Variants in FARS2 observed in about 807,000 individuals in gnomAD.
The protein encoded by FARS2 is phenylalanyl-tRNA synthetase 2, mitochondrial.
In FARS2, 40 loss-of-function variants were observed where a neutral mutation model predicts 46.4. That is an observed-to-expected ratio of 0.86 (90% CI 0.67 to 1.12). FARS2 has a LOEUF of 1.12. Among genes scored for constraint, FARS2 ranks in the 50% most tolerant of loss-of-function variants. FARS2 has a pLI of 0.00. For synonymous variants in FARS2, 234 were observed against 214.9 expected, an observed-to-expected ratio of 1.09 and a Z score of -0.78; for missense variants, 513 against 567.9, an observed-to-expected ratio of 0.90 and a Z score of 0.98.
intron 1 of FARS2, among the ~76,000 whole-genome samples, chr6:5,338,219 T>G (rs979256716): frequency 1.3e-5 from 2 of 152,162 alleles, no homozygotes; most frequent in Admixed American, 6.5e-5. Flanking sequence ...TCCACTAGAT[T>G]CAGGTAGAGT....
chr6:5,612,175 G>A (rs1464404746), intron 5 of FARS2, among the ~76,000 whole-genome samples: 1 of 152,198 alleles, frequency 6.6e-6, no homozygotes, highest in Non-Finnish European at 1.5e-5. Flanking sequence ...GATATTTCAA[G>A]TTGGATAATC....
intron 5 of FARS2, among the ~76,000 whole-genome samples, chr6:5,602,645 CA>C (rs55712653): frequency 2.2e-4 from 16 of 72,194 alleles, no homozygotes; most frequent in South Asian, 1.7e-3. Context: ...GACTCCGTCT[CA>C]AAAAAAAAAA....
intron 6 of FARS2, among the ~76,000 whole-genome samples, chr6:5,710,805 G>C (rs1759097434): frequency 6.6e-6 from 1 of 152,176 alleles, no homozygotes; most frequent in Admixed American, 6.5e-5. Flanking sequence ...GGCAACTGCG[G>C]AAAAAACTCC....
intron 4 of FARS2, among the ~76,000 whole-genome samples, chr6:5,497,545 T>G (rs925873784): frequency 6.6e-6 from 1 of 152,200 alleles, no homozygotes; most frequent in Non-Finnish European, 1.5e-5. Context: ...TCATTAATAA[T>G]AGAAATAAAA....
intron 2 of FARS2, among the ~76,000 whole-genome samples, chr6:5,390,598 A>G (rs1485287176): frequency 6.6e-6 from 1 of 152,216 alleles, no homozygotes. Context: ...GGTTTGAGCA[A>G]TATTTCTTTC....
intron 4 of FARS2, among the ~76,000 whole-genome samples, chr6:5,495,971 G>A (rs937367969): frequency 1.3e-5 from 2 of 152,162 alleles, no homozygotes; most frequent in African/African-American, 4.8e-5. Context: ...TTCACTGTCT[G>A]AATATGGAAG....
chr6:5,404,785 T>TC, intron 3 of FARS2, 84 bp downstream of exon 3: 7 of 1,002,724 alleles, frequency 7.0e-6, no homozygotes, highest in Non-Finnish European at 9.6e-6. Flanking sequence ...TTTTTTTTTT[T>TC]TTCATATTTT....
intron 4 of FARS2, among the ~76,000 whole-genome samples, chr6:5,469,882 G>A (rs1765715038): frequency 6.6e-6 from 1 of 152,060 alleles, no homozygotes; most frequent in South Asian, 2.1e-4. Flanking sequence ...TTCTAGTTTT[G>A]TCATTTGTCA....
At chr6:5,349,219 G>A (rs530421121) in intron 1 of FARS2, among the ~76,000 whole-genome samples, 3 of 152,242 alleles carry the variant, frequency 2.0e-5, no homozygotes, top group African/African-American at 7.2e-5. Context: ...ATTCCAAACA[G>A]AATATCATTT....
chr6:5,435,895 G>T (rs1408929480), intron 4 of FARS2, among the ~76,000 whole-genome samples: 2 of 152,142 alleles, frequency 1.3e-5, no homozygotes, highest in African/African-American at 4.8e-5. Context: ...TTTAAAAATC[G>T]GCTCTTTGGG....
At chr6:5,260,719 A>C (rs1380123658), upstream of FARS2, 2 of 1,550,314 alleles carry the variant, frequency 1.3e-6, no homozygotes, top group Non-Finnish European at 8.7e-7. Context: ...CTTGTGCGCG[A>C]CTGGAGGCTG....
intron 5 of FARS2, among the ~76,000 whole-genome samples, chr6:5,585,069 A>G (rs1282372382): frequency 6.6e-6 from 1 of 152,192 alleles, no homozygotes; most frequent in African/African-American, 2.4e-5. Flanking sequence ...ATTCATATAT[A>G]TAAGCTATAT....
At chr6:5,371,828 T>G (rs1236554115) in intron 2 of FARS2, among the ~76,000 whole-genome samples, 1 of 151,996 alleles carries the variant, frequency 6.6e-6, no homozygotes, top group East Asian at 1.9e-4. Flanking sequence ...AAATTAAGGA[T>G]GTAGATATAA....
chr6:5,640,139 GGTGTGTGT>G (rs3057207), intron 6 of FARS2, among the ~76,000 whole-genome samples: 7 of 149,788 alleles, frequency 4.7e-5, no homozygotes, highest in South Asian at 2.1e-4. Context: ...ACTTTTGTCA[GGTGTGTGT>G]GTGTGTGTGT....
At chr6:5,531,810 A>C (rs1462413786) in intron 4 of FARS2, among the ~76,000 whole-genome samples, 1 of 152,170 alleles carries the variant, frequency 6.6e-6, no homozygotes, top group African/African-American at 2.4e-5. Context: ...GACTACATGC[A>C]TGGTTGGAAG....
At chr6:5,423,085 C>T (rs1360559646) in intron 3 of FARS2, among the ~76,000 whole-genome samples, 4 of 146,124 alleles carry the variant, frequency 2.7e-5, no homozygotes, top group South Asian at 2.4e-4. Context: ...GTCCCCCACC[C>T]GACCAGCTTT....
chr6:5,404,641 CT>C lies in FARS2; in HGVS notation c.714del (p.Val239Ter). ...GACACACACCATGGAGGCCGTGAAG[CT>C]TGTAGAGTTTGATCTTAAGCAAACG... is the stretch of plus-strand genomic sequence containing the variant. ...QETHTMEAVK[L>X]VEFDLKQTLT... On this transcript the variant is annotated frameshift_variant, in exon 3 of 7. Transcript: ENST00000274680. LOFTEE classifies it high-confidence loss of function. The C allele has an allele frequency of 6.2e-7, 1 of 1,612,130 alleles. No homozygotes were observed.
At chr6:5,447,151 A>G (rs1186497542) in intron 4 of FARS2, among the ~76,000 whole-genome samples, 2 of 152,144 alleles carry the variant, frequency 1.3e-5, no homozygotes, top group Non-Finnish European at 2.9e-5. Flanking sequence ...GTGTGAGTGG[A>G]AGAAATGCAA....
intron 6 of FARS2, among the ~76,000 whole-genome samples, chr6:5,616,321 A>G (rs1381668385): frequency 4.6e-5 from 7 of 152,232 alleles, no homozygotes; most frequent in Admixed American, 3.9e-4. Flanking sequence ...TGTTGATACT[A>G]GAAGTCTAGT....
Sources: gnomAD v4.1 joint callset for allele counts (sites outside exome capture counted in the v4.1 genomes callset) on GRCh38, gnomAD v4.1.1 for gene constraint, MANE v1.5 for transcripts, NCBI Gene and HGNC (gene_info 2026-07-23, HGNC 2026-07-21) for gene names.